Variants in MAGI3 observed in about 807,000 individuals in gnomAD.
MAGI3 encodes membrane-associated guanylate kinase, WW and PDZ domain-containing protein 3.
A neutral mutation model predicts 121.8 loss-of-function variants in MAGI3; 43 were observed. The ratio of observed to expected loss-of-function variants is 0.35; its 90% CI spans 0.28 to 0.46. The LOEUF is 0.46. Ranked by LOEUF, MAGI3 falls within the 20% of genes least tolerant of loss-of-function variation. MAGI3 has a pLI of 1.00. For synonymous variants in MAGI3, 553 were observed against 639.3 expected (o/e 0.86, Z 2.04); for missense variants, 1,547 against 1,797.3 (o/e 0.86, Z 2.52).
chr1:113,615,357 C>A (rs1650395897), intron 7 of MAGI3, among the ~76,000 whole-genome samples: 1 of 152,156 alleles, frequency 6.6e-6, no homozygotes, highest in African/African-American at 2.4e-5. Context: ...CCTCAAGCGT[C>A]TAGCAGCAGG....
chr1:113,621,398 A>G (rs1201973516), intron 8 of MAGI3, among the ~76,000 whole-genome samples: 1 of 152,120 alleles, frequency 6.6e-6, no homozygotes. Context: ...GTCATTAGTC[A>G]CTCTAGGAAG....
At chr1:113,414,720 G>A (rs1161953276) in intron 1 of MAGI3, among the ~76,000 whole-genome samples, 1 of 151,790 alleles carries the variant, frequency 6.6e-6, no homozygotes, top group Non-Finnish European at 1.5e-5. Flanking sequence ...TTTAAAGAAT[G>A]TTGAGTCTTC....
chr1:113,482,332 A>T (rs1363822564), intron 1 of MAGI3, among the ~76,000 whole-genome samples: 1 of 151,432 alleles, frequency 6.6e-6, no homozygotes, highest in African/African-American at 2.4e-5. Flanking sequence ...GATATTTGAG[A>T]GTTTCCTATT....
rs951196139 is a variant in MAGI3, at chr1:113,659,272, A to G, written c.2815+7A>G. The G allele has an allele frequency of 1.9e-6, 3 of 1,612,390 alleles. No individual in the cohort carries two copies. The highest frequency in any genetic ancestry group is 1.7e-6 in the Non-Finnish European group (2 of 1,179,692). ...ACGGTCATTGCTGAAGAAGGTAAGG[A>G]GCCAGTAGACGCGCCTGCCCCAAGC... On this transcript the variant is annotated splice_region_variant and intron_variant, in intron 16 of 20. Transcript: ENST00000307546.
At chr1:113,627,964 T>G (rs1249276570) in intron 9 of MAGI3, among the ~76,000 whole-genome samples, 1 of 152,108 alleles carries the variant, frequency 6.6e-6, no homozygotes, top group East Asian at 1.9e-4. Flanking sequence ...CTTGCTTTTT[T>G]TATTCACTCA....
intron 3 of MAGI3, among the ~76,000 whole-genome samples, chr1:113,581,787 A>G (rs61819381): frequency 3.3e-5 from 5 of 152,278 alleles, no homozygotes; most frequent in South Asian, 4.1e-4. Context: ...TTCTGGGCTT[A>G]GCGCCCATGA....
At position 113,416,406 on chromosome 1, in the gene MAGI3, TTAA is replaced by T. The variant is rs1486980405; in HGVS notation, c.316+25062_316+25064del. Among the ~76,000 whole-genome samples the T allele has an allele frequency of 1.8e-3, 179 of 98,170 alleles. 1 individual carries two copies. Among genetic ancestry groups the T allele is most frequent in the African/African-American group, 5.6e-3 (172 of 30,444 alleles). 64.4% of individuals were successfully genotyped at this position (98,170 alleles called of 152,430 possible). A position where few individuals can be genotyped will look rare whatever the true frequency, so the allele number is the denominator to read the frequency against. On this transcript the variant is annotated intron_variant, in intron 1 of 20. Transcript: ENST00000307546. ...ATAATATATATTAATTATTAATTAATTAATAATTAATAATTAATAATATATATT... is the reference window on the plus strand; with the variant it reads ...ATAATATATATTAATTATTAATTAATTAATTAATAATTAATAATATATATT...
Position 113,513,871 on chromosome 1 carries a change from C to T in MAGI3, c.317-35644C>T, listed in dbSNP as rs559061881. Among the ~76,000 whole-genome samples, 58 of 151,876 alleles carry T rather than the reference C, an allele frequency of 3.8e-4. No homozygotes were observed. The East Asian group carries it at 6.6e-3, about 17-fold the overall frequency. Reference sequence around the variant, plus strand: ...ACAAAACAGGAGAAAATTTTTGCAACCTACTCATCTGACAAAGGGCTAATA... The same window carrying T: ...ACAAAACAGGAGAAAATTTTTGCAATCTACTCATCTGACAAAGGGCTAATA... On this transcript the variant is annotated intron_variant, in intron 1 of 20. Coordinates refer to ENST00000307546, the MANE Select transcript of MAGI3 (RefSeq NM_001142782.2).
intron 1 of MAGI3, among the ~76,000 whole-genome samples, chr1:113,513,474 C>A (rs1379601710): frequency 2.6e-5 from 4 of 151,994 alleles, no homozygotes; most frequent in African/African-American, 4.8e-5. Flanking sequence ...ATAATGCCAC[C>A]TATCTACAAC....
At chr1:113,421,408 A>G (rs980176360) in intron 1 of MAGI3, among the ~76,000 whole-genome samples, 11 of 152,238 alleles carry the variant, frequency 7.2e-5, no homozygotes, top group African/African-American at 2.7e-4. Context: ...AAGTTGTCTC[A>G]TCTAACTCTC....
At chr1:113,393,397 C>G (rs1327621631) in intron 1 of MAGI3, among the ~76,000 whole-genome samples, 1 of 152,094 alleles carries the variant, frequency 6.6e-6, no homozygotes, top group African/African-American at 2.4e-5. Flanking sequence ...TGAAGAGACA[C>G]TTTGTGTCAG....
chr1:113,440,587 A>T (rs1279296126), intron 1 of MAGI3, among the ~76,000 whole-genome samples: 3 of 152,154 alleles, frequency 2.0e-5, no homozygotes, highest in Non-Finnish European at 4.4e-5. Context: ...CAGTCTTGCC[A>T]TTATCTAAGC....
rs573238023 is a variant in MAGI3, at chr1:113,640,608, C to G, written c.1361-1303C>G. On this transcript the variant is annotated intron_variant, in intron 9 of 20. Coordinates refer to ENST00000307546, the MANE Select transcript of MAGI3 (RefSeq NM_001142782.2). ...CATAGATGAAGCTGGAAGCCATCAT[C>G]CTCAGTAAACTAACACAGAAACGGA... Among the ~76,000 whole-genome samples, 512 of 152,052 alleles carry G rather than the reference C, an allele frequency of 3.4e-3. 2 individuals are homozygous for G. The highest frequency in any genetic ancestry group is 5.3e-3 in the Non-Finnish European group (360 of 67,984).
chr1:113,516,133 G>A (rs1213994449), intron 1 of MAGI3, among the ~76,000 whole-genome samples: 1 of 151,834 alleles, frequency 6.6e-6, no homozygotes, highest in Admixed American at 6.6e-5. Flanking sequence ...GGTACAGATG[G>A]GATATTTATC....
At chr1:113,423,373 G>A (rs879740832) in intron 1 of MAGI3, among the ~76,000 whole-genome samples, 14 of 151,602 alleles carry the variant, frequency 9.2e-5, no homozygotes, top group East Asian at 2.0e-4. Context: ...CTGGGTTCAC[G>A]CCATTCTCCT....
At chr1:113,560,386 C>G (rs1368310913) in intron 2 of MAGI3, among the ~76,000 whole-genome samples, 1 of 147,794 alleles carries the variant, frequency 6.8e-6, no homozygotes, top group Non-Finnish European at 1.5e-5. Flanking sequence ...AAAAAACAAA[C>G]AAAAAAACAA....
chr1:113,638,578 C>T (rs75620668), intron 9 of MAGI3, among the ~76,000 whole-genome samples: 4 of 152,216 alleles, frequency 2.6e-5, no homozygotes, highest in Non-Finnish European at 5.9e-5. Flanking sequence ...GCTGTCTGAT[C>T]GTTCCTCTGG....
chr1:113,516,028 C>T (rs1163730177), intron 1 of MAGI3, among the ~76,000 whole-genome samples: 1 of 152,042 alleles, frequency 6.6e-6, no homozygotes, highest in African/African-American at 2.4e-5. Flanking sequence ...GCGTATACCA[C>T]TCCCTTGTGA....
chr1:113,503,349 AC>A (rs1657140587), intron 1 of MAGI3, among the ~76,000 whole-genome samples: 1 of 148,566 alleles, frequency 6.7e-6, no homozygotes, highest in Admixed American at 6.7e-5. Flanking sequence ...AATTGATTGA[AC>A]CAGATTCGAG....
Sources: allele counts gnomAD v4.1 joint callset (sites outside exome capture counted in the v4.1 genomes callset), GRCh38; gene constraint gnomAD v4.1.1; transcripts MANE v1.5; gene names NCBI Gene and HGNC (gene_info 2026-07-23, HGNC 2026-07-21).